Variants in GRM5 observed in about 807,000 individuals in gnomAD.
GRM5 encodes the protein glutamate metabotropic receptor 5.
A neutral mutation model predicts 83.1 loss-of-function variants in GRM5; 19 were observed. That is an observed-to-expected ratio of 0.23 (90% CI 0.16 to 0.34). GRM5 has a LOEUF of 0.34. GRM5 is among the 10% of genes least tolerant of loss of function. GRM5 has a pLI of 1.00. For missense variants in GRM5, 1,160 were observed against 1,588.3 expected (o/e 0.73, Z 4.58); for synonymous variants, 675 against 633.6 (o/e 1.07, Z -0.98).
intron 2 of GRM5, among the ~76,000 whole-genome samples, chr11:88,924,354 C>T (rs113933435): frequency 0.053 from 8,063 of 152,058 alleles, 713 homozygotes; most frequent in African/African-American, 0.19. Flanking sequence ...GATCTACATT[C>T]CCATGTTTAT....
intron 2 of GRM5, among the ~76,000 whole-genome samples, chr11:88,933,799 G>C (rs917014654): frequency 6.6e-6 from 1 of 151,660 alleles, no homozygotes; most frequent in Admixed American, 6.6e-5. Context: ...ATCACTCCAA[G>C]GGGTAAAAAT....
intron 3 of GRM5, among the ~76,000 whole-genome samples, chr11:88,706,758 A>G (rs924182450): frequency 1.1e-4 from 16 of 150,968 alleles, no homozygotes; most frequent in African/African-American, 3.6e-4. Flanking sequence ...AAATTCTCCA[A>G]GATATGAATG....
In GRM5 at chr11:88,963,578, G is replaced by A. The variant is rs1348129053; in HGVS notation, c.661+83634C>T. Among the ~76,000 whole-genome samples, 6 of 152,304 alleles carry A rather than the reference G, an allele frequency of 3.9e-5. No individual in the cohort carries two copies. The East Asian group carries it at 9.7e-4, about 25-fold the overall frequency. On this transcript the variant is annotated intron_variant, in intron 2 of 9. Transcript: ENST00000305447. ...CATGTAGATAAAGCAACCTGGTAGA[G>A]GTGGCAGAATTATAGGATGGAAAAA...
chr11:88,791,656 T>C (rs1943174972), intron 3 of GRM5, among the ~76,000 whole-genome samples: 1 of 152,144 alleles, frequency 6.6e-6, no homozygotes, highest in Non-Finnish European at 1.5e-5. Flanking sequence ...TGACCAACAT[T>C]ACAATATATA....
intron 2 of GRM5, among the ~76,000 whole-genome samples, chr11:89,008,682 GA>G (rs887275820): frequency 2.0e-5 from 3 of 152,084 alleles, no homozygotes; most frequent in African/African-American, 7.2e-5. Flanking sequence ...TTATGTGGGA[GA>G]AAATAGTTTG....
At position 88,534,645 on chromosome 11, in the gene GRM5, G is replaced by C. The variant is rs190549206; in HGVS notation, c.2631-9241C>G. On this transcript the variant is annotated intron_variant, in intron 8 of 9. Coordinates refer to ENST00000305447, the MANE Select transcript of GRM5 (RefSeq NM_001143831.3). ...AAGAGACTTTGGACTGTGCACTTTTGAGTTAATGCTGAAATAATTTGAGAC... is the reference window on the plus strand; with the variant it reads ...AAGAGACTTTGGACTGTGCACTTTTCAGTTAATGCTGAAATAATTTGAGAC... Among the ~76,000 whole-genome samples the C allele has an allele frequency of 3.9e-3, 591 of 152,298 alleles. 5 individuals are homozygous for C. Among genetic ancestry groups the C allele is most frequent in the Admixed American group, 6.2e-3 (95 of 15,292 alleles).
intron 3 of GRM5, among the ~76,000 whole-genome samples, chr11:88,712,751 G>T (rs11021035): frequency 6.6e-6 from 1 of 151,850 alleles, no homozygotes; most frequent in Non-Finnish European, 1.5e-5. Context: ...ATAGTTGTCA[G>T]TTTGGCTTCA....
chr11:88,666,680 G>A (rs548040278), intron 3 of GRM5, among the ~76,000 whole-genome samples: 14 of 152,302 alleles, frequency 9.2e-5, no homozygotes, highest in African/African-American at 3.1e-4. Context: ...TATTTTAGTT[G>A]TAAAGACAAA....
chr11:88,791,103 A>C (rs1028721281), intron 3 of GRM5, among the ~76,000 whole-genome samples: 1 of 152,214 alleles, frequency 6.6e-6, no homozygotes, highest in Admixed American at 6.5e-5. Context: ...GAAAGAAGTT[A>C]AACCAGTAGC....
chr11:88,891,301 T>C (rs988978330), intron 2 of GRM5, among the ~76,000 whole-genome samples: 1 of 152,130 alleles, frequency 6.6e-6, no homozygotes, highest in African/African-American at 2.4e-5. Flanking sequence ...TTTTGAGTCA[T>C]CATTTTGGCA....
intron 2 of GRM5, among the ~76,000 whole-genome samples, chr11:88,948,356 A>C (rs1938347708): frequency 6.6e-6 from 1 of 152,166 alleles, no homozygotes; most frequent in Non-Finnish European, 1.5e-5. Context: ...TGGTTCACAA[A>C]AGACAGGTGG....
chr11:89,065,395 CTCTG>C (rs1417275503), intron 1 of GRM5, among the ~76,000 whole-genome samples: 9 of 145,638 alleles, frequency 6.2e-5, no homozygotes, highest in Admixed American at 6.0e-4. Context: ...TCTTTTCCTC[CTCTG>C]TTTTTTTTTT....
chr11:88,988,472 A>G (rs1939821612), intron 2 of GRM5, among the ~76,000 whole-genome samples: 1 of 152,200 alleles, frequency 6.6e-6, no homozygotes, highest in Non-Finnish European at 1.5e-5. Flanking sequence ...CCAATCTAAC[A>G]AGGCAGGCCA....
chr11:88,918,151 A>G (rs1945626124), intron 2 of GRM5, among the ~76,000 whole-genome samples: 1 of 151,984 alleles, frequency 6.6e-6, no homozygotes, highest in Non-Finnish European at 1.5e-5. Context: ...TTGACCTTAC[A>G]CACCAGGAGA....
intron 2 of GRM5, among the ~76,000 whole-genome samples, chr11:89,004,110 C>A (rs889633822): frequency 1.3e-5 from 2 of 152,084 alleles, no homozygotes; most frequent in Non-Finnish European, 2.9e-5. Flanking sequence ...AGGTATAATT[C>A]AAAATAAATC....
chr11:88,893,480 C>T (rs1187696804), intron 2 of GRM5, among the ~76,000 whole-genome samples: 3 of 151,908 alleles, frequency 2.0e-5, no homozygotes, highest in Admixed American at 1.3e-4. Flanking sequence ...AGTTTAAGCA[C>T]GTCTTAGATG....
chr11:88,659,321 C>A (rs1216851928), intron 3 of GRM5, among the ~76,000 whole-genome samples: 1 of 152,104 alleles, frequency 6.6e-6, no homozygotes, highest in Non-Finnish European at 1.5e-5. Context: ...TTTATACGAT[C>A]TCTCACATTT....
chr11:88,675,558 A>G (rs1487582723), intron 3 of GRM5, among the ~76,000 whole-genome samples: 1 of 152,012 alleles, frequency 6.6e-6, no homozygotes, highest in Non-Finnish European at 1.5e-5. Flanking sequence ...AAAACAACTT[A>G]GAACAACCCG....
At position 89,047,711 on chromosome 11, in the gene GRM5, C is replaced by T; in HGVS notation, c.162G>A (p.Glu54=). The change falls in exon 2 of 10, where the codon GAG becomes GAA. Residue 54 remains glutamate, a synonymous_variant. Coordinates refer to ENST00000305447, the MANE Select transcript of GRM5 (RefSeq NM_001143831.3). The surrounding 1 kb of genome is among the most constrained non-coding windows in gnomAD (Gnocchi z 5.1). ...GTTCACGGACCGCCCCACACTTCCT[C>T]TCATGAACTTTGTCCACAGTAGGCT... ...HHQPTVDKVH[E]RKCGAVREQY... is the part of the protein sequence containing the mutation. 6.2e-7 allele frequency: 1 copy of T among 1,614,162 alleles called. No individual in the cohort carries two copies. Among genetic ancestry groups the T allele is most frequent in the Non-Finnish European group, 8.5e-7 (1 of 1,180,022 alleles).
Sources: gnomAD v4.1 joint callset for allele counts (sites outside exome capture counted in the v4.1 genomes callset) on GRCh38, gnomAD v4.1.1 for gene constraint, Gnocchi (gnomAD v3.1) non-coding constraint, MANE v1.5 for transcripts, NCBI Gene and HGNC (gene_info 2026-07-23, HGNC 2026-07-21) for gene names.